The following PARG variants were observed in gnomAD, a reference collection of about 807,000 sequenced individuals.
The protein encoded by PARG is poly(ADP-ribose) glycohydrolase.
In PARG, 35 loss-of-function variants were observed where a neutral mutation model predicts 113.0. That is an observed-to-expected ratio of 0.31 (90% CI 0.24 to 0.41). PARG has a LOEUF of 0.41. PARG is among the 10% of genes least tolerant of loss of function. The pLI is 1.00. For missense variants in PARG, 797 were observed against 1,169.4 expected, an observed-to-expected ratio of 0.68 and a Z score of 4.64; for synonymous variants, 330 against 409.9, an observed-to-expected ratio of 0.81 and a Z score of 2.36.
intron 3 of PARG, among the ~76,000 whole-genome samples, chr10:49,932,594 C>T (rs1461176915): frequency 6.6e-6 from 1 of 152,102 alleles, no homozygotes; most frequent in Admixed American, 6.5e-5. Flanking sequence ...CTATTGCATG[C>T]TGATTGCACT....
chr10:49,911,579 C>G (rs1554846275), intron 7 of PARG, among the ~76,000 whole-genome samples: 1 of 152,212 alleles, frequency 6.6e-6, no homozygotes, highest in African/African-American at 2.4e-5. Flanking sequence ...CATTTCGACT[C>G]AGTAGCACCT....
In PARG at chr10:49,901,418, G is replaced by A. The variant is rs377482728; in HGVS notation, c.1737+14499C>T. 2.9e-3 allele frequency among the ~76,000 whole-genome samples: 431 copies of A among 148,678 alleles called. 5 individuals are homozygous for A. Among genetic ancestry groups the A allele is most frequent in the Middle Eastern group, 6.9e-3 (2 of 288 alleles). ...CACGAACCACCACACCCAGACTTAA[G>A]TAATTTTTATGGTAGTTCAAGGACA... On this transcript the variant is annotated intron_variant, in intron 7 of 17. Transcript: ENST00000616448.
chr10:49,857,489 A>C (rs1554835277), intron 12 of PARG, 36 bp from the exon 13 acceptor site: 1 of 1,567,896 alleles, frequency 6.4e-7, no homozygotes, highest in East Asian at 2.2e-5. Context: ...ATAATGGTCA[A>C]AAATACCTAC....
chr10:49,825,390 A>C (rs1844303484), intron 16 of PARG, among the ~76,000 whole-genome samples: 1 of 152,214 alleles, frequency 6.6e-6, no homozygotes, highest in Admixed American at 6.5e-5. Flanking sequence ...ATTAAATAAC[A>C]AAAGCACACA....
At chr10:49,833,691 C>T (rs1844779112) in intron 15 of PARG, among the ~76,000 whole-genome samples, 1 of 152,198 alleles carries the variant, frequency 6.6e-6, no homozygotes, top group Non-Finnish European at 1.5e-5. Flanking sequence ...CACCTCTTTG[C>T]TGTCAGCTAG....
chr10:49,853,557 A>G (rs1385083389), intron 13 of PARG, among the ~76,000 whole-genome samples: 1 of 152,184 alleles, frequency 6.6e-6, no homozygotes, highest in East Asian at 1.9e-4. Context: ...ATCCATGATA[A>G]CTAACAAATG....
chr10:49,905,159 C>T (rs1241532720), intron 7 of PARG, among the ~76,000 whole-genome samples: 1 of 152,294 alleles, frequency 6.6e-6, no homozygotes, highest in Non-Finnish European at 1.5e-5. Flanking sequence ...ATGTTGAAAC[C>T]CTTAAAATAA....
chr10:49,830,913 TTATAA>T (rs1204552286), intron 16 of PARG, among the ~76,000 whole-genome samples: 5 of 152,220 alleles, frequency 3.3e-5, no homozygotes, highest in African/African-American at 4.8e-5. Context: ...GTAGTACTCC[TTATAA>T]TATAATGAAA....
chr10:49,819,371 G>C lies in PARG; in HGVS notation c.2900C>G (p.Ala967Gly), dbSNP rs1012019573. 2.6e-6 allele frequency: 4 copies of C among 1,551,564 alleles called. No homozygotes were observed. The highest frequency in any genetic ancestry group is 1.7e-4 in the Middle Eastern group (1 of 5,988). Reference protein sequence around the residue: ...YHAVESCAETADHSGQRTGT With the variant: ...YHAVESCAETGDHSGQRTGT ...CCCTGTCCTTTGCCCTGAATGGTCA[G>C]CGGTCTCTGCACAGGACTCGACAGC... The change falls in exon 18 of 18, where the codon GCT becomes GGT. Residue 967 changes from alanine to glycine, a missense_variant. Ala to Gly is a moderately conservative substitution (Grantham distance 60, BLOSUM62 0). Coordinates refer to ENST00000616448, the MANE Select transcript of PARG (RefSeq NM_003631.5).
At position 49,879,822 on chromosome 10, in the gene PARG, T is replaced by G; in HGVS notation, c.1839A>C (p.Pro613=). 9.0e-7 allele frequency: 1 copy of G among 1,116,262 alleles called. No individual in the cohort carries two copies. 69.1% of individuals were successfully genotyped at this position (1,116,262 alleles called of 1,614,324 possible). ...AATGATTCATCTTCTGTTTCAGGAG[T>G]GGTATTGGCTGATAAAAGAAACAAA... The part of the protein sequence containing the change: ...CLPNICTQPI[P]LLKQKMNHSI... The change falls in exon 9 of 18, where the codon CCA becomes CCC. Residue 613 remains proline (P), a synonymous_variant. Transcript: ENST00000616448.
intron 7 of PARG, among the ~76,000 whole-genome samples, chr10:49,890,774 T>C (rs1847736193): frequency 6.6e-6 from 1 of 152,242 alleles, no homozygotes; most frequent in Admixed American, 6.5e-5. Flanking sequence ...TATTTACTTA[T>C]TTCTTCTTTC....
chr10:49,854,576 A>G (rs1425753665), intron 13 of PARG, among the ~76,000 whole-genome samples: 9 of 150,652 alleles, frequency 6.0e-5, no homozygotes, highest in Non-Finnish European at 4.4e-5. Flanking sequence ...AAAACTAGAG[A>G]AAGCCCTCAG....
At chr10:49,893,949 TG>T (rs1410682969) in intron 7 of PARG, among the ~76,000 whole-genome samples, 2 of 152,072 alleles carry the variant, frequency 1.3e-5, no homozygotes, top group African/African-American at 4.8e-5. Context: ...CCACCCACCT[TG>T]GCCTCCCAAA....
chr10:49,842,869 G>A (rs550368805), intron 14 of PARG, among the ~76,000 whole-genome samples: 4 of 152,126 alleles, frequency 2.6e-5, no homozygotes, highest in Non-Finnish European at 5.9e-5. Flanking sequence ...GAAAGCAGAG[G>A]ATGGACTTGA....
chr10:49,827,997 A>C (rs538179785), intron 16 of PARG, among the ~76,000 whole-genome samples: 4 of 151,144 alleles, frequency 2.6e-5, no homozygotes, highest in African/African-American at 7.3e-5. Context: ...GTTATCTCCT[A>C]AAATTCTCAC....
intron 15 of PARG, among the ~76,000 whole-genome samples, 199 bp downstream of exon 15, chr10:49,841,751 G>A (rs1029801800): frequency 2.0e-5 from 3 of 152,096 alleles, no homozygotes; most frequent in African/African-American, 7.2e-5. Flanking sequence ...CAGCCTATCT[G>A]GCAACCTTAG....
At chr10:49,936,323 A>G (rs1269227412) in intron 1 of PARG, among the ~76,000 whole-genome samples, 2 of 152,214 alleles carry the variant, frequency 1.3e-5, no homozygotes, top group Non-Finnish European at 1.5e-5. Flanking sequence ...AGCCTTAAGT[A>G]GAAATATGGA....
intron 16 of PARG, 43 bp downstream of exon 16, chr10:49,832,760 T>C: frequency 8.6e-7 from 1 of 1,160,368 alleles, no homozygotes; most frequent in Non-Finnish European, 1.2e-6. Flanking sequence ...CTAACTTTTT[T>C]TGTGTGGGCA....
At position 49,896,521 on chromosome 10, in the gene PARG, G is replaced by A. The variant is rs552307807; in HGVS notation, c.1738-11226C>T. On this transcript the variant is annotated intron_variant, in intron 7 of 17. Transcript: ENST00000616448. Reference sequence around the variant, plus strand: ...GCTGGCCTCGAACTCCTAACCTCAGGTGATCCACCCGCCTTGGCCTCCCAG... The same window carrying A: ...GCTGGCCTCGAACTCCTAACCTCAGATGATCCACCCGCCTTGGCCTCCCAG... Among the ~76,000 whole-genome samples, 14 of 152,232 alleles carry A rather than the reference G, an allele frequency of 9.2e-5. No individual in the cohort carries two copies. In the East Asian group the frequency reaches 2.5e-3, roughly 27 times the overall value.
Sources: allele counts gnomAD v4.1 joint callset (sites outside exome capture counted in the v4.1 genomes callset), GRCh38; gene constraint gnomAD v4.1.1; transcripts MANE v1.5; gene names NCBI Gene and HGNC (gene_info 2026-07-23, HGNC 2026-07-21).